The following INSIG2 variants were observed in gnomAD, a reference collection of about 807,000 sequenced individuals.
INSIG2 encodes insulin induced gene 2.
A neutral mutation model predicts 27.2 loss-of-function variants in INSIG2; 10 were observed. That is an observed-to-expected ratio of 0.37 (90% CI 0.23 to 0.62). The LOEUF is 0.62. INSIG2 is among the 20% of genes least tolerant of loss of function. INSIG2 has a pLI of 0.65. For synonymous variants in INSIG2, 97 were observed against 95.8 expected (o/e 1.01, Z -0.07); for missense variants, 178 against 270.2 (o/e 0.66, Z 2.39).
At chr2:118,093,973 A>AGGAG (rs1290946658) in intron 1 of INSIG2, among the ~76,000 whole-genome samples, 2 of 84,420 alleles carry the variant, frequency 2.4e-5, no homozygotes, top group Admixed American at 1.5e-4. Flanking sequence ...GAGGAGGAGG[A>AGGAG]GAGTTCTGTA....
At position 118,096,518 on chromosome 2, in the gene INSIG2, ATT is replaced by A. The variant is rs58018715; in HGVS notation, c.-27_-26del. The A allele has an allele frequency of 9.9e-4, 1,365 of 1,376,284 alleles. No individual in the cohort carries two copies. The highest frequency in any genetic ancestry group is 3.2e-3 in the South Asian group (241 of 75,150). The allele number at this position is 1,376,284 out of a possible 1,614,324, so 85.3% of individuals were successfully genotyped here. A position where few individuals can be genotyped will look rare whatever the true frequency, so the allele number is the denominator to read the frequency against. ...AGCTTTTCAGCTGGGAAGCCTTTCC[ATT>A]TTTTTTTTTTTAACGGCTTTCTGAA... On this transcript the variant is annotated 5_prime_UTR_variant, in exon 2 of 6. Transcript: ENST00000245787.
Position 118,108,733 on chromosome 2 carries a change from A to G in INSIG2, c.*411A>G, listed in dbSNP as rs889426116. 1 of 153,802 alleles carries G rather than the reference A, an allele frequency of 6.5e-6. No individual in the cohort carries two copies. Among genetic ancestry groups the G allele is most frequent in the African/African-American group, 2.4e-5 (1 of 41,488 alleles). 9.5% of individuals were successfully genotyped at this position (153,802 alleles called of 1,614,324 possible). ...AGACTTAGTGAAATAAAATAAGAGG[A>G]AAGCCAAAAACAAACAAACAAAAAG... On this transcript the variant is annotated 3_prime_UTR_variant, in exon 6 of 6. Coordinates refer to ENST00000245787, the MANE Select transcript of INSIG2 (RefSeq NM_016133.4).
intron 2 of INSIG2, 138 bp from the exon 3 acceptor site, chr2:118,103,059 T>C (rs980608957): frequency 4.0e-6 from 3 of 745,108 alleles, no homozygotes; most frequent in Non-Finnish European, 2.1e-6. Flanking sequence ...CGGTGATTGA[T>C]GTGAAATAAC....
intron 2 of INSIG2, among the ~76,000 whole-genome samples, chr2:118,101,467 C>T (rs1678542989): frequency 6.6e-6 from 1 of 152,096 alleles, no homozygotes; most frequent in Non-Finnish European, 1.5e-5. Context: ...TCAGTATTCT[C>T]TATGTAATAA....
At chr2:118,100,532 C>G (rs1678518112) in intron 2 of INSIG2, among the ~76,000 whole-genome samples, 1 of 151,998 alleles carries the variant, frequency 6.6e-6, no homozygotes, top group Non-Finnish European at 1.5e-5. Flanking sequence ...GCGCCCACCA[C>G]TACGTCCAGC....
chr2:118,099,971 A>G (rs145147877), intron 2 of INSIG2, among the ~76,000 whole-genome samples: 6 of 152,220 alleles, frequency 3.9e-5, no homozygotes, highest in Non-Finnish European at 5.9e-5. Flanking sequence ...CAGTGATGAC[A>G]TTGTTTTCCT....
At chr2:118,105,354 T>C (rs1678648896) in intron 3 of INSIG2, among the ~76,000 whole-genome samples, 1 of 152,188 alleles carries the variant, frequency 6.6e-6, no homozygotes, top group Non-Finnish European at 1.5e-5. Context: ...ATGGCACTAT[T>C]TTAAGATTGA....
chr2:118,097,868 G>A (rs1294795082), intron 2 of INSIG2, among the ~76,000 whole-genome samples: 2 of 152,200 alleles, frequency 1.3e-5, no homozygotes, highest in Non-Finnish European at 2.9e-5. Flanking sequence ...GCGCTTTACG[G>A]AAGTGTTAGA....
In INSIG2 at chr2:118,103,238, G is replaced by A; in HGVS notation, c.286G>A (p.Gly96Arg). The change falls in exon 3 of 6, where the codon GGA (glycine) becomes AGA (arginine). Residue 96 changes from glycine (G) to arginine (R), a missense_variant. Gly to Arg is a moderately radical substitution (Grantham distance 125, BLOSUM62 -2). Coordinates refer to ENST00000245787, the MANE Select transcript of INSIG2 (RefSeq NM_016133.4). ...ATACCCCTGCATTGACAGACATCTAGGAGAACCACATAAATTTAAAAGAGA... is the reference window on the plus strand; with the variant it reads ...ATACCCCTGCATTGACAGACATCTAAGAGAACCACATAAATTTAAAAGAGA... The part of the protein sequence containing the change: ...LLYPCIDRHL[G>R]EPHKFKREWS... 6.2e-7 allele frequency: 1 copy of A among 1,613,700 alleles called. No homozygotes were observed. The highest frequency in any genetic ancestry group is 8.5e-7 in the Non-Finnish European group (1 of 1,179,822).
intron 1 of INSIG2, among the ~76,000 whole-genome samples, chr2:118,092,179 G>A (rs1483439383): frequency 1.3e-5 from 2 of 152,140 alleles, no homozygotes; most frequent in Non-Finnish European, 2.9e-5. Flanking sequence ...ATGATACGCT[G>A]TCTCAATGTG....
chr2:118,100,170 G>T (rs1050584228), intron 2 of INSIG2, among the ~76,000 whole-genome samples: 3 of 151,284 alleles, frequency 2.0e-5, no homozygotes, highest in African/African-American at 7.4e-5. Flanking sequence ...CACTATTTCT[G>T]CGCCATTTAC....
chr2:118,096,595 G>T lies in INSIG2; in HGVS notation c.39G>T (p.Lys13Asn). The change falls in exon 2 of 6, where the codon AAG (lysine) becomes AAT (asparagine). Residue 13 changes from lysine to asparagine, a missense_variant. Coordinates refer to ENST00000245787, the MANE Select transcript of INSIG2 (RefSeq NM_016133.4). ...EGETESPGPK[K>N]CGPYISSVTS... ...AGACAGAGTCACCTGGGCCCAAAAAGTGTGGCCCATATATTTCATCTGTCA... is the reference window on the plus strand; with the variant it reads ...AGACAGAGTCACCTGGGCCCAAAAATTGTGGCCCATATATTTCATCTGTCA... 6.2e-7 allele frequency: 1 copy of T among 1,613,682 alleles called. No homozygotes were observed. The highest frequency in any genetic ancestry group is 1.3e-5 in the African/African-American group (1 of 74,954).
At position 118,108,768 on chromosome 2, in the gene INSIG2, A is replaced by G. The variant is rs1678740255; in HGVS notation, c.*446A>G. 6.5e-6 allele frequency: 1 copy of G among 153,120 alleles called. No homozygotes were observed. Among genetic ancestry groups the G allele is most frequent in the Non-Finnish European group, 1.5e-5 (1 of 68,500 alleles). The allele number at this position is 153,120 out of a possible 1,614,324, so 9.5% of individuals were successfully genotyped here. A position where few individuals can be genotyped will look rare whatever the true frequency, so the allele number is the denominator to read the frequency against. ...ACAAACAAACAAAAAGCATATGGGG[A>G]GCTGGTATTTTCTCTTTAGCTTACT... On this transcript the variant is annotated 3_prime_UTR_variant, in exon 6 of 6. Transcript: ENST00000245787.
intron 2 of INSIG2, among the ~76,000 whole-genome samples, chr2:118,101,827 C>A (rs1416753176): frequency 6.6e-6 from 1 of 152,160 alleles, no homozygotes; most frequent in Non-Finnish European, 1.5e-5. Context: ...TTCTTAATCT[C>A]TTGATGTTCT....
chr2:118,106,400 A>T (rs1678673602), intron 3 of INSIG2, among the ~76,000 whole-genome samples: 1 of 152,242 alleles, frequency 6.6e-6, no homozygotes, highest in African/African-American at 2.4e-5. Context: ...GCTTCCAGTT[A>T]CATTTTTAGC....
At chr2:118,094,671 A>T (rs1367140415) in intron 1 of INSIG2, among the ~76,000 whole-genome samples, 1 of 152,192 alleles carries the variant, frequency 6.6e-6, no homozygotes. Flanking sequence ...TTGAACACAG[A>T]GCTTTGATGT....
intron 2 of INSIG2, among the ~76,000 whole-genome samples, chr2:118,098,195 T>C (rs1289679011): frequency 6.6e-6 from 1 of 152,234 alleles, no homozygotes. Flanking sequence ...TCTTTGTTTC[T>C]TTTCTTCTAT....
rs142707941 is a variant in INSIG2, at chr2:118,089,581, A to G, written c.-139+1040A>G. Among the ~76,000 whole-genome samples the G allele has an allele frequency of 3.2e-3, 489 of 151,488 alleles. 5 individuals carry two copies. The highest frequency in any genetic ancestry group is 0.011 in the African/African-American group (472 of 41,276). On this transcript the variant is annotated intron_variant, in intron 1 of 5. Coordinates refer to ENST00000245787, the MANE Select transcript of INSIG2 (RefSeq NM_016133.4). ...GCTACTAATGGGGGCCCCAAAGAAA[A>G]CAAAAATCAGACGTGTGCTCTTCCT... is the stretch of plus-strand genomic sequence containing the variant.
chr2:118,092,533 G>A (rs772588752), intron 1 of INSIG2, among the ~76,000 whole-genome samples: 13 of 152,004 alleles, frequency 8.6e-5, no homozygotes, highest in Non-Finnish European at 1.5e-4. Context: ...ACCATCTGCC[G>A]AAAAAGAAGT....
Sources: allele counts gnomAD v4.1 joint callset (sites outside exome capture counted in the v4.1 genomes callset), GRCh38; gene constraint gnomAD v4.1.1; transcripts MANE v1.5; gene names NCBI Gene and HGNC (gene_info 2026-07-23, HGNC 2026-07-21).